Variants in TSPEAR observed in about 807,000 individuals in gnomAD.
The protein encoded by TSPEAR is thrombospondin type laminin G domain and EAR repeats.
In TSPEAR, 69 loss-of-function variants were observed where a neutral mutation model predicts 71.6. The ratio of observed to expected loss-of-function variants is 0.96; its 90% CI spans 0.79 to 1.18. The LOEUF is 1.18. TSPEAR is among the 50% of genes most tolerant of loss of function. The pLI is 0.00. For synonymous variants in TSPEAR, 402 were observed against 387.2 expected, an observed-to-expected ratio of 1.04 and a Z score of -0.45; for missense variants, 971 against 894.9, an observed-to-expected ratio of 1.09 and a Z score of -1.09.
intron 2 of TSPEAR, among the ~76,000 whole-genome samples, chr21:44,551,723 G>A (rs587627711): frequency 7.9e-5 from 12 of 152,252 alleles, no homozygotes; most frequent in East Asian, 1.9e-4. Flanking sequence ...GGGCAGGACC[G>A]GCGCCCCTGG....
chr21:44,552,080 G>A (rs1345086568), intron 2 of TSPEAR, among the ~76,000 whole-genome samples: 1 of 152,238 alleles, frequency 6.6e-6, no homozygotes, highest in East Asian at 1.9e-4. Context: ...TGGACAGTCA[G>A]CTCATTAGGA....
intron 1 of TSPEAR, among the ~76,000 whole-genome samples, chr21:44,636,133 T>C (rs1440970933): frequency 1.3e-5 from 2 of 152,240 alleles, no homozygotes; most frequent in African/African-American, 4.8e-5. Context: ...GTTCATATCT[T>C]CATTTGTGTA....
intron 2 of TSPEAR, chr21:44,539,644 G>A (rs782624064): frequency 1.3e-6 from 2 of 1,596,126 alleles, no homozygotes; most frequent in Non-Finnish European, 8.5e-7. Flanking sequence ...AAGCTGGATG[G>A]CAGCTAGACT....
In TSPEAR at chr21:44,591,937, G is replaced by A; in HGVS notation, c.83-23932C>T. The A allele has an allele frequency of 6.2e-7, 1 of 1,604,086 alleles. No homozygotes were observed. The highest frequency in any genetic ancestry group is 1.7e-5 in the Admixed American group (1 of 58,710). On this transcript the variant is annotated intron_variant, in intron 1 of 11. Transcript: ENST00000323084. ...ACAGACCGCCTGGCAGCAGGGGCTG[G>A]ACACACAGCTCACACAGCTAGACTG...
At chr21:44,531,812 C>T (rs1421068278) in intron 3 of TSPEAR, among the ~76,000 whole-genome samples, 1 of 152,180 alleles carries the variant, frequency 6.6e-6, no homozygotes, top group Non-Finnish European at 1.5e-5. Flanking sequence ...CAGGAGCAGG[C>T]GGTCTTGACG....
At chr21:44,558,100 G>C in intron 2 of TSPEAR, 1 of 1,610,076 alleles carries the variant, frequency 6.2e-7, no homozygotes, top group African/African-American at 1.3e-5. Flanking sequence ...GCGGAAGAGA[G>C]GCGGGAGCAC....
chr21:44,659,975 T>A (rs1985400410), intron 1 of TSPEAR, among the ~76,000 whole-genome samples: 2 of 152,158 alleles, frequency 1.3e-5, no homozygotes, highest in African/African-American at 2.4e-5. Context: ...AAAATCAAAA[T>A]ACGGTATCAC....
intron 10 of TSPEAR, 51 bp from the exon 11 acceptor site, chr21:44,504,932 A>G: frequency 6.8e-7 from 1 of 1,479,096 alleles, no homozygotes; most frequent in South Asian, 1.1e-5. Flanking sequence ...TCGCCAGGGA[A>G]CTGGGGGATT....
intron 1 of TSPEAR, among the ~76,000 whole-genome samples, chr21:44,579,144 G>T (rs181603200): frequency 4.5e-4 from 68 of 152,268 alleles, no homozygotes; most frequent in Admixed American, 2.4e-3. Flanking sequence ...CAGCTTCCTG[G>T]AAGGTGACCC....
At chr21:44,544,356 G>T (rs782247902) in intron 2 of TSPEAR, among the ~76,000 whole-genome samples, 2 of 152,146 alleles carry the variant, frequency 1.3e-5, no homozygotes, top group African/African-American at 2.4e-5. Flanking sequence ...TGACTACAAA[G>T]GGGCATGAGG....
At chr21:44,629,667 G>A (rs964939807) in intron 1 of TSPEAR, among the ~76,000 whole-genome samples, 4 of 152,228 alleles carry the variant, frequency 2.6e-5, no homozygotes, top group Non-Finnish European at 4.4e-5. Flanking sequence ...GACGCTCCCT[G>A]TCCATAAACT....
chr21:44,710,538 C>T lies in TSPEAR; in HGVS notation c.82+895G>A, dbSNP rs1198603662. ...CGAGCAGAGAGCTGTGGCCCGGTGC[C>T]GGGGGTGGACTTCATCTATTCCAGG... On this transcript the variant is annotated intron_variant, in intron 1 of 11. Coordinates refer to ENST00000323084, the MANE Select transcript of TSPEAR (RefSeq NM_144991.3). This position sits in a 1 kb window ranked among gnomAD's most constrained non-coding sequence, Gnocchi z 4.6. Among the ~76,000 whole-genome samples the T allele has an allele frequency of 6.6e-6, 1 of 152,094 alleles. No individual in the cohort carries two copies. The highest frequency in any genetic ancestry group is 6.5e-5 in the Admixed American group (1 of 15,276).
chr21:44,706,380 C>A (rs1345636337), intron 1 of TSPEAR, among the ~76,000 whole-genome samples: 1 of 151,756 alleles, frequency 6.6e-6, no homozygotes, highest in Non-Finnish European at 1.5e-5. Flanking sequence ...TGCACGCACA[C>A]ACGCGCGTGC....
intron 1 of TSPEAR, among the ~76,000 whole-genome samples, chr21:44,636,127 A>G (rs587614132): frequency 1.3e-5 from 2 of 152,304 alleles, no homozygotes; most frequent in East Asian, 3.9e-4. Flanking sequence ...CTGGCAGTTC[A>G]TATCTTCATT....
chr21:44,502,417 A>G (rs1324779133), intron 11 of TSPEAR, among the ~76,000 whole-genome samples: 3 of 152,244 alleles, frequency 2.0e-5, no homozygotes, highest in African/African-American at 7.2e-5. Flanking sequence ...AAGAAAAGCT[A>G]TTAGAACTGA....
At position 44,520,559 on chromosome 21, in the gene TSPEAR, T is replaced by A. The variant is rs2052714588; in HGVS notation, c.1566+1324A>T. On this transcript the variant is annotated intron_variant, in intron 9 of 11. Transcript: ENST00000323084. This position sits in a 1 kb window ranked among gnomAD's most constrained non-coding sequence, Gnocchi z 4.2. Reference sequence around the variant, plus strand: ...CTCTGCACGCATTAAGGCGTGTGATTGGTCCCTGTGAGCCGCGGCTCCTGG... The same window carrying A: ...CTCTGCACGCATTAAGGCGTGTGATAGGTCCCTGTGAGCCGCGGCTCCTGG... The A allele has an allele frequency of 6.6e-6, 1 of 152,206 alleles. No individual in the cohort carries two copies. Among genetic ancestry groups the A allele is most frequent in the African/African-American group, 2.4e-5 (1 of 41,450 alleles). The allele number at this position is 152,206 out of a possible 1,614,324, so 9.4% of individuals were successfully genotyped here. A position where few individuals can be genotyped will look rare whatever the true frequency, so the allele number is the denominator to read the frequency against.
chr21:44,698,001 C>T lies in TSPEAR; in HGVS notation c.82+13432G>A. On this transcript the variant is annotated intron_variant, in intron 1 of 11. Transcript: ENST00000323084. ...GCATGTCCCCCAGGGCCACTGGGCA[C>T]TATGAGTCCCCCACCTCTCCCACTA... The T allele has an allele frequency of 2.6e-6, 4 of 1,554,018 alleles. No individual in the cohort carries two copies. The Admixed American group carries it at 5.4e-5, about 21-fold the overall frequency.
At chr21:44,511,297 G>A (rs2052367752) in intron 9 of TSPEAR, among the ~76,000 whole-genome samples, 1 of 152,150 alleles carries the variant, frequency 6.6e-6, no homozygotes, top group Admixed American at 6.5e-5. Flanking sequence ...GATGTGCACT[G>A]TGCGCACACA....
intron 1 of TSPEAR, chr21:44,627,852 C>A: frequency 3.1e-6 from 5 of 1,613,782 alleles, no homozygotes; most frequent in Non-Finnish European, 4.2e-6. Flanking sequence ...GCTGCAGACC[C>A]TCCTCCTCTG....
Sources: allele counts gnomAD v4.1 joint callset (sites outside exome capture counted in the v4.1 genomes callset), GRCh38; gene constraint gnomAD v4.1.1; non-coding constraint Gnocchi (gnomAD v3.1); transcripts MANE v1.5; gene names NCBI Gene and HGNC (gene_info 2026-07-23, HGNC 2026-07-21).